The following SLC27A4 variants were observed in gnomAD, a reference collection of about 807,000 sequenced individuals.
The protein encoded by SLC27A4 is solute carrier family 27 member 4.
SLC27A4 carries 33 observed loss-of-function variants against 64.4 expected under a neutral mutation model. The observed-to-expected ratio is 0.51, with a 90% CI of 0.39 to 0.68. The LOEUF is 0.68. Ranked by LOEUF, SLC27A4 falls within the 30% of genes least tolerant of loss-of-function variation. The pLI, the probability that SLC27A4 is intolerant of heterozygous loss-of-function variation, is 0.00. For synonymous variants in SLC27A4, 377 were observed against 370.0 expected, an observed-to-expected ratio of 1.02 and a Z score of -0.22; for missense variants, 824 against 883.5, an observed-to-expected ratio of 0.93 and a Z score of 0.85.
In SLC27A4 at chr9:128,345,358, G is replaced by A; in HGVS notation, c.365G>A (p.Gly122Asp). Reference protein sequence around the residue: ...SSVANFLQARGLASGDVAAIF... With the variant: ...SSVANFLQARDLASGDVAAIF... ...GTAGCCAACTTCCTGCAGGCCCGGG[G>A]CCTGGCCTCGGGCGATGTGGCTGCC... Residue 122 changes from glycine to aspartate, a missense_variant, in exon 3 of 13, where the codon GGC (glycine) becomes GAC (aspartate). Coordinates refer to ENST00000300456, the MANE Select transcript of SLC27A4 (RefSeq NM_005094.4). The surrounding 1 kb of genome is among the most constrained non-coding windows in gnomAD (Gnocchi z 4.1). The A allele has an allele frequency of 6.2e-7, 1 of 1,613,772 alleles. No individual in the cohort carries two copies. The highest frequency in any genetic ancestry group is 8.5e-7 in the Non-Finnish European group (1 of 1,180,010).
intron 12 of SLC27A4, among the ~76,000 whole-genome samples, chr9:128,358,279 CAG>C (rs1406561387): frequency 6.6e-6 from 1 of 152,174 alleles, no homozygotes; most frequent in Non-Finnish European, 1.5e-5. Flanking sequence ...CACTGTCCAA[CAG>C]AACTTTCTGC....
rs1832892793 is a variant in SLC27A4, at chr9:128,360,883, G to C, written c.*392G>C. The C allele has an allele frequency of 3.7e-6, 1 of 269,926 alleles. No individual in the cohort carries two copies. The highest frequency in any genetic ancestry group is 7.3e-6 in the Non-Finnish European group (1 of 137,250). 16.7% of individuals were successfully genotyped at this position (269,926 alleles called of 1,614,324 possible). ...CTCAGGAAGTCAACAGAGTGGGCAG[G>C]GACAGTGGTAGCATCCATCTGGTGG... On this transcript the variant is annotated 3_prime_UTR_variant, in exon 13 of 13. Transcript: ENST00000300456.
Position 128,340,736 on chromosome 9 carries a change from C to G in SLC27A4, c.-109C>G, listed in dbSNP as rs543966789. 49 of 644,546 alleles carry G rather than the reference C, an allele frequency of 7.6e-5. No homozygotes were observed. Among genetic ancestry groups the G allele is most frequent in the South Asian group, 7.5e-4 (45 of 60,360 alleles). The allele number at this position is 644,546 out of a possible 1,614,324, so 39.9% of individuals were successfully genotyped here. ...AGAGCCGGCTAAACCCTGCTGAGAC[C>G]CGGCTCCGTGCGTCCAGGGGCGGCT... On this transcript the variant is annotated 5_prime_UTR_variant, in exon 1 of 13. Coordinates refer to ENST00000300456, the MANE Select transcript of SLC27A4 (RefSeq NM_005094.4).
Position 128,353,555 on chromosome 9 carries a change from G to T in SLC27A4, c.1324+14G>T. ...CCTGCCAGCCAGGTCTGCCACTTCG[G>T]GGTCAGAGAGGGAGGGGTTGGCCTG... On this transcript the variant is annotated intron_variant, in intron 9 of 12. Transcript: ENST00000300456. The surrounding 1 kb of genome is among the most constrained non-coding windows in gnomAD (Gnocchi z 4.9). 6.2e-7 allele frequency: 1 copy of T among 1,613,238 alleles called. No homozygotes were observed. The highest frequency in any genetic ancestry group is 1.1e-5 in the South Asian group (1 of 91,058).
rs1256160350 is a variant in SLC27A4 at position 128,340,888 on chromosome 9, C to A, written c.-7+50C>A. 4 of 555,748 alleles carry A rather than the reference C, an allele frequency of 7.2e-6. No individual in the cohort carries two copies. In the East Asian group the frequency reaches 1.3e-4, roughly 18 times the overall value. The allele number at this position is 555,748 out of a possible 1,614,324, so 34.4% of individuals were successfully genotyped here. Reference sequence around the variant, plus strand: ...TTCCCGGGTGGGGACATGTGCCAGGCCGAGTCGGGCGAGGTGGCGGTGCGG... The same window carrying A: ...TTCCCGGGTGGGGACATGTGCCAGGACGAGTCGGGCGAGGTGGCGGTGCGG... On this transcript the variant is annotated intron_variant, in intron 1 of 12. Transcript: ENST00000300456.
At chr9:128,349,771 C>T (rs1832707231) in intron 4 of SLC27A4, among the ~76,000 whole-genome samples, 1 of 152,184 alleles carries the variant, frequency 6.6e-6, no homozygotes, top group African/African-American at 2.4e-5. Flanking sequence ...CGTGGCAATC[C>T]CTGTCGAGGG....
In SLC27A4 at chr9:128,353,866, C is replaced by G. The variant is rs1481271891; in HGVS notation, c.1324+325C>G. On this transcript the variant is annotated intron_variant, in intron 9 of 12. Coordinates refer to ENST00000300456, the MANE Select transcript of SLC27A4 (RefSeq NM_005094.4). The surrounding 1 kb of genome is among the most constrained non-coding windows in gnomAD (Gnocchi z 4.9). The stretch of plus-strand genomic sequence containing the variant: ...TCACGCCATTCTCCTGCCTCAGCCT[C>G]CCAAGTAGCTGGGACTACAGGCGCC... Among the ~76,000 whole-genome samples the G allele has an allele frequency of 1.4e-5, 2 of 139,914 alleles. No homozygotes were observed. The highest frequency in any genetic ancestry group is 6.8e-5 in the Admixed American group (1 of 14,674). The allele number at this position is 139,914 out of a possible 152,430, so 91.8% of individuals were successfully genotyped here.
Position 128,342,008 on chromosome 9 carries a change from A to G in SLC27A4, c.-6-1119A>G, listed in dbSNP as rs187387629. 5 of 470,978 alleles carry G rather than the reference A, an allele frequency of 1.1e-5. No individual in the cohort carries two copies. In the East Asian group the frequency reaches 1.6e-4, roughly 15 times the overall value. 29.2% of individuals were successfully genotyped at this position (470,978 alleles called of 1,614,324 possible). A position where few individuals can be genotyped will look rare whatever the true frequency, so the allele number is the denominator to read the frequency against. ...TGCCTCGGCCTCCCAAAGTGCTGGG[A>G]TTACAGGTGTGAGCCACCACTGCCA... On this transcript the variant is annotated intron_variant, in intron 1 of 12. Transcript: ENST00000300456.
intron 6 of SLC27A4, 27 bp downstream of exon 6, chr9:128,350,602 C>T (rs1461130656): frequency 6.5e-7 from 1 of 1,532,042 alleles, no homozygotes; most frequent in East Asian, 2.3e-5. Flanking sequence ...CACACAGCCT[C>T]CAGCACCTGC....
intron 4 of SLC27A4, among the ~76,000 whole-genome samples, chr9:128,349,340 G>A (rs1198858400): frequency 1.3e-5 from 2 of 152,102 alleles, no homozygotes; most frequent in East Asian, 1.9e-4. Context: ...CTTCCTTTGT[G>A]TGAACCCTGA....
Position 128,345,611 on chromosome 9 carries a change from T to A in SLC27A4, c.556+62T>A. Reference sequence around the variant, plus strand: ...CATGGGATCTTACACAGACCACAGCTCCCTTCCAGCCCTGCCAAGGCTGTG... The same window carrying A: ...CATGGGATCTTACACAGACCACAGCACCCTTCCAGCCCTGCCAAGGCTGTG... On this transcript the variant is annotated intron_variant, in intron 3 of 12. Coordinates refer to ENST00000300456, the MANE Select transcript of SLC27A4 (RefSeq NM_005094.4). This position sits in a 1 kb window ranked among gnomAD's most constrained non-coding sequence, Gnocchi z 4.1. 1 of 1,507,480 alleles carries A rather than the reference T, an allele frequency of 6.6e-7. No individual in the cohort carries two copies. The highest frequency in any genetic ancestry group is 8.8e-7 in the Non-Finnish European group (1 of 1,130,320). The allele number at this position is 1,507,480 out of a possible 1,614,324, so 93.4% of individuals were successfully genotyped here.
At chr9:128,351,186 C>A (rs1284801974) in intron 6 of SLC27A4, among the ~76,000 whole-genome samples, 1 of 151,940 alleles carries the variant, frequency 6.6e-6, no homozygotes, top group Non-Finnish European at 1.5e-5. Flanking sequence ...ATTGCTTGAA[C>A]CTGGGAGGCA....
In SLC27A4 at chr9:128,355,138, CAAG is replaced by C. The variant is rs762561274; in HGVS notation, c.1415_1417del (p.Lys472del). Reference sequence around the variant, plus strand: ...GCTACCTCAACCAGGGCGCCAACAACAAGAAGATTGCCAAGGATGTCTTCAAGA... The same window carrying C: ...GCTACCTCAACCAGGGCGCCAACAACAAGATTGCCAAGGATGTCTTCAAGA... On this transcript the variant is annotated inframe_deletion, in exon 10 of 13. Transcript: ENST00000300456. 1.2e-5 allele frequency: 19 copies of C among 1,613,582 alleles called. No individual in the cohort carries two copies. In the South Asian group the frequency reaches 1.9e-4, roughly 16 times the overall value.
chr9:128,357,685 A>G (rs1171559289), intron 12 of SLC27A4, among the ~76,000 whole-genome samples: 1 of 152,152 alleles, frequency 6.6e-6, no homozygotes, highest in African/African-American at 2.4e-5. Flanking sequence ...TGGGCAGGAA[A>G]TGCTGAGGCT....
Position 128,353,504 on chromosome 9 carries a change from C to A in SLC27A4, c.1287C>A (p.Ile429=). The A allele has an allele frequency of 6.2e-7, 1 of 1,614,100 alleles. No individual in the cohort carries two copies. The highest frequency in any genetic ancestry group is 1.3e-5 in the African/African-American group (1 of 75,008). Residue 429 remains isoleucine (I), a synonymous_variant, in exon 9 of 13, where the codon ATC becomes ATA. Coordinates refer to ENST00000300456, the MANE Select transcript of SLC27A4 (RefSeq NM_005094.4). The surrounding 1 kb of genome is among the most constrained non-coding windows in gnomAD (Gnocchi z 4.9). ...VRVNEDTMEL[I]RGPDGVCIPC... ...TCAACGAGGACACCATGGAGCTGAT[C>A]CGGGGGCCCGACGGCGTCTGCATTC...
intron 3 of SLC27A4, among the ~76,000 whole-genome samples, chr9:128,346,398 T>G (rs1313807726): frequency 1.3e-5 from 2 of 151,712 alleles, no homozygotes; most frequent in Non-Finnish European, 2.9e-5. Context: ...CACGCCCAGC[T>G]AATTTTTTTG....
intron 1 of SLC27A4, 22 bp downstream of exon 1, chr9:128,340,860 G>T: frequency 1.6e-6 from 1 of 637,578 alleles, no homozygotes; most frequent in South Asian, 1.7e-5. Context: ...CCGGGCTGGT[G>T]GGTTCCCGGG....
chr9:128,345,353 C>T lies in SLC27A4; in HGVS notation c.360C>T (p.Ala120=). ...YSSSVANFLQ[A]RGLASGDVAA... Reference sequence around the variant, plus strand: ...GCAGTGTAGCCAACTTCCTGCAGGCCCGGGGCCTGGCCTCGGGCGATGTGG... The same window carrying T: ...GCAGTGTAGCCAACTTCCTGCAGGCTCGGGGCCTGGCCTCGGGCGATGTGG... Residue 120 remains alanine, a synonymous_variant, in exon 3 of 13, where the codon GCC becomes GCT. Transcript: ENST00000300456. The surrounding 1 kb of genome is among the most constrained non-coding windows in gnomAD (Gnocchi z 4.1). The T allele has an allele frequency of 6.2e-7, 1 of 1,613,758 alleles. No homozygotes were observed. Among genetic ancestry groups the T allele is most frequent in the South Asian group, 1.1e-5 (1 of 91,064 alleles).
chr9:128,357,803 G>A (rs1021376593), intron 12 of SLC27A4, among the ~76,000 whole-genome samples: 27 of 152,128 alleles, frequency 1.8e-4, no homozygotes, highest in Non-Finnish European at 3.1e-4. Flanking sequence ...CCACGTTGTC[G>A]TCATATCAGT....
Sources: allele counts gnomAD v4.1 joint callset (sites outside exome capture counted in the v4.1 genomes callset), GRCh38; gene constraint gnomAD v4.1.1; non-coding constraint Gnocchi (gnomAD v3.1); transcripts MANE v1.5; gene names NCBI Gene and HGNC (gene_info 2026-07-23, HGNC 2026-07-21).